Variants in SGCG observed in about 807,000 individuals in gnomAD.
SGCG encodes the protein sarcoglycan gamma, also known as gamma-sarcoglycan.
SGCG carries 26 observed loss-of-function variants against 29.3 expected under a neutral mutation model. The ratio of observed to expected loss-of-function variants is 0.89; its 90% confidence interval spans 0.65 to 1.23. SGCG has a LOEUF of 1.23. Ranked by LOEUF, SGCG falls within the 50% of genes most tolerant of loss-of-function variation. SGCG has a pLI of 0.00. For missense variants in SGCG, 353 were observed against 356.0 expected (o/e 0.99, Z 0.07); for synonymous variants, 145 against 129.7 (o/e 1.12, Z -0.80).
intron 5 of SGCG, among the ~76,000 whole-genome samples, chr13:23,280,018 A>G (rs989297222): frequency 1.3e-5 from 2 of 151,926 alleles, no homozygotes; most frequent in Non-Finnish European, 2.9e-5. Context: ...GTGAGCCACA[A>G]CACCCTGCCA....
At chr13:23,239,490 C>T (rs951020161) in intron 3 of SGCG, among the ~76,000 whole-genome samples, 4 of 151,900 alleles carry the variant, frequency 2.6e-5, no homozygotes, top group African/African-American at 9.7e-5. Flanking sequence ...GCCTTTCTGG[C>T]AAAAAGAATA....
At chr13:23,311,623 C>T (rs755628117) in intron 6 of SGCG, among the ~76,000 whole-genome samples, 5 of 152,184 alleles carry the variant, frequency 3.3e-5, no homozygotes, top group Non-Finnish European at 2.9e-5. Flanking sequence ...CAAAGTGAGG[C>T]TGACATGTGC....
At chr13:23,192,132 G>A (rs1327090195) in intron 1 of SGCG, among the ~76,000 whole-genome samples, 2 of 146,094 alleles carry the variant, frequency 1.4e-5, no homozygotes, top group African/African-American at 2.5e-5. Flanking sequence ...CCGAGATCGC[G>A]CCATTGCACT....
the SGCG span, among the ~76,000 whole-genome samples, chr13:23,167,148 A>C: frequency 2.0e-5 from 3 of 152,100 alleles, no homozygotes; most frequent in African/African-American, 7.2e-5. Flanking sequence ...AGAACATACA[A>C]TATTTGTCTT....
chr13:23,302,758 T>C (rs1593100386), intron 6 of SGCG, among the ~76,000 whole-genome samples: 1 of 152,310 alleles, frequency 6.6e-6, no homozygotes, highest in African/African-American at 2.4e-5. Flanking sequence ...TGGAACTTTT[T>C]AAAAACTATT....
chr13:23,168,749 A>G, the SGCG span, among the ~76,000 whole-genome samples: 1 of 152,240 alleles, frequency 6.6e-6, no homozygotes, highest in African/African-American at 2.4e-5. Context: ...CATGACAGAG[A>G]TAATCATTGA....
intron 6 of SGCG, among the ~76,000 whole-genome samples, chr13:23,316,936 G>T (rs1225997323): frequency 1.3e-5 from 2 of 152,186 alleles, no homozygotes; most frequent in African/African-American, 2.4e-5. Flanking sequence ...GCCGGGCGCG[G>T]TGGCTCATGC....
At chr13:23,240,857 A>G (rs1459101790) in intron 3 of SGCG, among the ~76,000 whole-genome samples, 1 of 152,182 alleles carries the variant, frequency 6.6e-6, no homozygotes, top group Non-Finnish European at 1.5e-5. Flanking sequence ...GCCTATATTA[A>G]AAAAGAAGAA....
At chr13:23,290,608 G>T (rs1881667561) in intron 5 of SGCG, among the ~76,000 whole-genome samples, 1 of 152,140 alleles carries the variant, frequency 6.6e-6, no homozygotes, top group Non-Finnish European at 1.5e-5. Flanking sequence ...AATAGGACGG[G>T]AGGCAGTAGA....
chr13:23,167,420 C>A, the SGCG span, among the ~76,000 whole-genome samples: 1 of 152,168 alleles, frequency 6.6e-6, no homozygotes, highest in African/African-American at 2.4e-5. Flanking sequence ...GGGGTATATA[C>A]CCAGCGGTGG....
intron 5 of SGCG, among the ~76,000 whole-genome samples, chr13:23,285,051 G>T (rs1304144158): frequency 6.6e-6 from 1 of 152,204 alleles, no homozygotes; most frequent in Non-Finnish European, 1.5e-5. Flanking sequence ...GTCGACCCCT[G>T]CTGGGAGGTG....
intron 3 of SGCG, among the ~76,000 whole-genome samples, chr13:23,249,894 G>C (rs946728809): frequency 1.1e-4 from 17 of 151,618 alleles, no homozygotes; most frequent in Non-Finnish European, 2.2e-4. Context: ...AAGAATTAAA[G>C]TAGCTTGCAG....
intron 5 of SGCG, among the ~76,000 whole-genome samples, chr13:23,288,247 G>C (rs976898982): frequency 6.6e-6 from 1 of 152,178 alleles, no homozygotes; most frequent in Non-Finnish European, 1.5e-5. Flanking sequence ...GAGACGGGCA[G>C]CCTCACTCTG....
At chr13:23,303,794 A>G (rs893612939) in intron 6 of SGCG, among the ~76,000 whole-genome samples, 3 of 152,352 alleles carry the variant, frequency 2.0e-5, no homozygotes, top group African/African-American at 7.2e-5. Flanking sequence ...ATAAATGCAC[A>G]TATTGTTTAC....
intron 4 of SGCG, among the ~76,000 whole-genome samples, chr13:23,276,831 ACT>A (rs1354422151): frequency 3.3e-5 from 5 of 151,934 alleles, no homozygotes; most frequent in Admixed American, 2.6e-4. Flanking sequence ...CCTAGTCAAG[ACT>A]CTCTCATGCT....
intron 2 of SGCG, among the ~76,000 whole-genome samples, chr13:23,212,103 C>T (rs1878246693): frequency 6.6e-6 from 1 of 152,088 alleles, no homozygotes; most frequent in Non-Finnish European, 1.5e-5. Flanking sequence ...TAGGGCTTTG[C>T]CTTCCACCAT....
intron 2 of SGCG, among the ~76,000 whole-genome samples, chr13:23,224,164 A>G (rs899912498): frequency 2.0e-5 from 3 of 152,182 alleles, no homozygotes; most frequent in Non-Finnish European, 2.9e-5. Flanking sequence ...TACAGATTGA[A>G]GTAGCTTCAA....
chr13:23,291,686 A>G (rs766632473), intron 5 of SGCG, among the ~76,000 whole-genome samples: 9 of 152,218 alleles, frequency 5.9e-5, no homozygotes, highest in Non-Finnish European at 1.0e-4. Context: ...TCATATGTCA[A>G]TATAATATCA....
At chr13:23,260,516 C>A (rs930929132) in intron 4 of SGCG, among the ~76,000 whole-genome samples, 14 of 152,128 alleles carry the variant, frequency 9.2e-5, no homozygotes, top group African/African-American at 3.1e-4. Context: ...CAGTCTGTGT[C>A]TTTTAATTGG....
Sources: gnomAD v4.1 joint callset for allele counts (sites outside exome capture counted in the v4.1 genomes callset) on GRCh38, gnomAD v4.1.1 for gene constraint, MANE v1.5 for transcripts, NCBI Gene and HGNC (gene_info 2026-07-23, HGNC 2026-07-21) for gene names.